PAPPA2: variants seen among roughly 807,000 people sequenced by gnomAD.
The protein encoded by PAPPA2 is pappalysin-2.
A neutral mutation model predicts 176.4 loss-of-function variants in PAPPA2; 86 were observed. That is an observed-to-expected ratio of 0.49 (90% confidence interval 0.41 to 0.58). The LOEUF is 0.58. PAPPA2 is among the 20% of genes least tolerant of loss of function. The pLI is 0.00. For missense variants in PAPPA2, 2,073 were observed against 2,256.9 expected (o/e 0.92, Z 1.65); for synonymous variants, 809 against 852.2 (o/e 0.95, Z 0.88).
At chr1:176,816,316 G>A (rs1666399200) in intron 21 of PAPPA2, among the ~76,000 whole-genome samples, 1 of 145,434 alleles carries the variant, frequency 6.9e-6, no homozygotes, top group Admixed American at 6.9e-5. Flanking sequence ...TTTTGATTTA[G>A]AACTTTATCT....
intron 20 of PAPPA2, among the ~76,000 whole-genome samples, chr1:176,798,755 T>C (rs530557915): frequency 1.3e-5 from 2 of 152,366 alleles, no homozygotes; most frequent in South Asian, 4.1e-4. Flanking sequence ...TTACCTTATA[T>C]ATTTATTTTG....
At chr1:176,475,628 TCCCACC>T (rs1652080441) in intron 1 of PAPPA2, among the ~76,000 whole-genome samples, 1 of 152,178 alleles carries the variant, frequency 6.6e-6, no homozygotes, top group Non-Finnish European at 1.5e-5. Context: ...TTTCTAAAAA[TCCCACC>T]AGACAGGTTA....
intron 3 of PAPPA2, among the ~76,000 whole-genome samples, chr1:176,643,607 G>A (rs1352498458): frequency 1.3e-5 from 2 of 151,666 alleles, no homozygotes; most frequent in Non-Finnish European, 2.9e-5. Context: ...GATCATGTAG[G>A]GAGTGCTAAA....
rs145411275 is a variant in PAPPA2 at position 176,739,932 on chromosome 1, T to C, written c.3935-48T>C. 3.7e-4 allele frequency: 588 copies of C among 1,598,918 alleles called. 3 individuals carry two copies. The African/African-American group carries it at 7.0e-3, about 19-fold the overall frequency. The stretch of plus-strand genomic sequence containing the variant: ...AAAATGAATACAAGATATGGAAACA[T>C]GGTACTAACAATGGCTGAAAATATG... On this transcript the variant is annotated intron_variant, in intron 13 of 22. Coordinates refer to ENST00000367662, the MANE Select transcript of PAPPA2 (RefSeq NM_020318.3).
intron 2 of PAPPA2, among the ~76,000 whole-genome samples, chr1:176,561,006 A>T (rs756321943): frequency 3.9e-5 from 6 of 152,178 alleles, no homozygotes; most frequent in Non-Finnish European, 8.8e-5. Flanking sequence ...GATGTCTAAG[A>T]AACTGTCCCT....
In PAPPA2 at chr1:176,769,659, G is replaced by A; in HGVS notation, c.4376G>A (p.Cys1459Tyr). 1 of 1,614,008 alleles carries A rather than the reference G, an allele frequency of 6.2e-7. No homozygotes were observed. Among genetic ancestry groups the A allele is most frequent in the Non-Finnish European group, 8.5e-7 (1 of 1,179,984 alleles). ...SSGHWDQNVS[C>Y]LPVDCGVPDP... is the part of the protein sequence containing the mutation. ...GGGCACTGGGACCAGAATGTGAGCTGCCTTCCCGTGGACTGCGGTGTTCCC... is the reference window on the plus strand; with the variant it reads ...GGGCACTGGGACCAGAATGTGAGCTACCTTCCCGTGGACTGCGGTGTTCCC... The change falls in exon 16 of 23, where the codon TGC becomes TAC. Residue 1459 changes from cysteine (C) to tyrosine (Y), a missense_variant. Cys to Tyr is a radical substitution (Grantham distance 194). Coordinates refer to ENST00000367662, the MANE Select transcript of PAPPA2 (RefSeq NM_020318.3).
rs533258865 is a variant in PAPPA2, at chr1:176,731,446, T to G, written c.3799-8180T>G. On this transcript the variant is annotated intron_variant, in intron 12 of 22. Coordinates refer to ENST00000367662, the MANE Select transcript of PAPPA2 (RefSeq NM_020318.3). Reference sequence around the variant, plus strand: ...TCCCTAGTAGCTGGGATTATAGGTGTGCCCCACCATGCCCAGCTAATTTTT... The same window carrying G: ...TCCCTAGTAGCTGGGATTATAGGTGGGCCCCACCATGCCCAGCTAATTTTT... 2.0e-5 allele frequency among the ~76,000 whole-genome samples: 3 copies of G among 152,028 alleles called. No individual in the cohort carries two copies. In the South Asian group the frequency reaches 6.2e-4, roughly 32 times the overall value.
intron 1 of PAPPA2, among the ~76,000 whole-genome samples, chr1:176,552,279 A>C (rs1651004727): frequency 6.7e-6 from 1 of 148,984 alleles, no homozygotes; most frequent in African/African-American, 2.5e-5. Context: ...TCTTTTTCCT[A>C]GTCCTCCTAC....
intron 3 of PAPPA2, among the ~76,000 whole-genome samples, chr1:176,661,318 G>A (rs929939494): frequency 6.6e-5 from 10 of 151,920 alleles, no homozygotes; most frequent in African/African-American, 2.4e-4. Flanking sequence ...CAAAATCTTT[G>A]TAAGGGCTAG....
At chr1:176,548,228 G>A (rs1417158320) in intron 1 of PAPPA2, among the ~76,000 whole-genome samples, 1 of 152,118 alleles carries the variant, frequency 6.6e-6, no homozygotes, top group African/African-American at 2.4e-5. Context: ...TGGAGTTAAT[G>A]AGTTGGGGAA....
chr1:176,504,345 A>G (rs1648129375), intron 1 of PAPPA2, among the ~76,000 whole-genome samples: 2 of 152,272 alleles, frequency 1.3e-5, no homozygotes, highest in South Asian at 4.1e-4. Context: ...TTTTCTGTGC[A>G]TTCTTTTAGA....
At chr1:176,542,439 C>T (rs1030930716) in intron 1 of PAPPA2, among the ~76,000 whole-genome samples, 1 of 152,134 alleles carries the variant, frequency 6.6e-6, no homozygotes, top group Admixed American at 6.5e-5. Context: ...CAAATGCTTC[C>T]TCTGTGCTGG....
chr1:176,583,564 C>T (rs2102632214), intron 2 of PAPPA2, among the ~76,000 whole-genome samples: 1 of 151,830 alleles, frequency 6.6e-6, no homozygotes, highest in South Asian at 2.1e-4. Flanking sequence ...TCATTTTATT[C>T]CATTGTGGTC....
intron 5 of PAPPA2, chr1:176,691,012 A>C (rs1302417482): frequency 1.0e-6 from 1 of 985,156 alleles, no homozygotes; most frequent in African/African-American, 1.7e-5. Flanking sequence ...GGTGACATCT[A>C]ATTTTAAAAA....
At chr1:176,655,872 GT>G (rs1658005018) in intron 3 of PAPPA2, among the ~76,000 whole-genome samples, 1 of 151,750 alleles carries the variant, frequency 6.6e-6, no homozygotes, top group Non-Finnish European at 1.5e-5. Flanking sequence ...GTTCCTTAGA[GT>G]TTATCCTCTT....
At chr1:176,714,785 G>A (rs1197720516) in intron 12 of PAPPA2, among the ~76,000 whole-genome samples, 1 of 152,200 alleles carries the variant, frequency 6.6e-6, no homozygotes, top group Non-Finnish European at 1.5e-5. Context: ...CTTGTTGGGT[G>A]TAGAGACTCT....
In PAPPA2 at chr1:176,844,339, C is replaced by A. The variant is rs1667588821; in HGVS notation, c.*1885C>A. ...GCTGTGCAAATAGGAATAGGAAATA[C>A]TACCACAATGATAGAAATATTATCC... On this transcript the variant is annotated 3_prime_UTR_variant, in exon 23 of 23. Transcript: ENST00000367662. The A allele has an allele frequency of 6.6e-6, 1 of 152,128 alleles. No homozygotes were observed. The highest frequency in any genetic ancestry group is 6.6e-5 in the Admixed American group (1 of 15,258). 9.4% of individuals were successfully genotyped at this position (152,128 alleles called of 1,614,324 possible). A position where few individuals can be genotyped will look rare whatever the true frequency, so the allele number is the denominator to read the frequency against.
intron 1 of PAPPA2, among the ~76,000 whole-genome samples, chr1:176,547,398 C>T (rs567127196): frequency 1.3e-5 from 2 of 152,146 alleles, no homozygotes; most frequent in Non-Finnish European, 2.9e-5. Context: ...TTGCTCCTAT[C>T]CCTGTAGGAA....
intron 21 of PAPPA2, among the ~76,000 whole-genome samples, chr1:176,826,510 C>G (rs1046334230): frequency 2.0e-5 from 3 of 152,094 alleles, no homozygotes; most frequent in African/African-American, 7.2e-5. Context: ...ACTGGATGGA[C>G]CAACCAGTTG....
Sources: gnomAD v4.1 joint callset for allele counts (sites outside exome capture counted in the v4.1 genomes callset) on GRCh38, gnomAD v4.1.1 for gene constraint, MANE v1.5 for transcripts, NCBI Gene and HGNC (gene_info 2026-07-23, HGNC 2026-07-21) for gene names.